Variants in UBE2V1 observed in about 807,000 individuals in gnomAD.
UBE2V1 encodes the protein ubiquitin conjugating enzyme E2 V1.
A neutral mutation model predicts 19.6 loss-of-function variants in UBE2V1; 15 were observed. That is an observed-to-expected ratio of 0.77 (90% CI 0.51 to 1.18). The LOEUF (loss-of-function observed/expected upper bound fraction) is 1.18. Ranked by LOEUF, UBE2V1 falls within the 50% of genes most tolerant of loss-of-function variation. UBE2V1 has a pLI of 0.00. For synonymous variants in UBE2V1, 60 were observed against 60.7 expected, an observed-to-expected ratio of 0.99 and a Z score of 0.05; for missense variants, 125 against 184.8, an observed-to-expected ratio of 0.68 and a Z score of 1.88.
At chr20:50,104,655 CAAAAAAAAAA>C (rs113771532) in intron 1 of UBE2V1, among the ~76,000 whole-genome samples, 1,610 of 71,702 alleles carry the variant, frequency 0.022, 51 homozygotes, top group African/African-American at 0.077. Flanking sequence ...GACTCTGGCA[CAAAAAAAAAA>C]AAAAAAAAAA....
chr20:50,098,066 T>C (rs73278504), intron 1 of UBE2V1, among the ~76,000 whole-genome samples: 2,052 of 152,256 alleles, frequency 0.013, 39 homozygotes, highest in African/African-American at 0.047. Flanking sequence ...CAGATCCTGG[T>C]GTTCCGGAGG....
At position 50,092,223 on chromosome 20, in the gene UBE2V1, G is replaced by C. The variant is rs557850863; in HGVS notation, c.171+4449C>G. 1.2e-4 allele frequency among the ~76,000 whole-genome samples: 18 copies of C among 152,302 alleles called. No homozygotes were observed. The East Asian group carries it at 2.5e-3, about 21-fold the overall frequency. On this transcript the variant is annotated intron_variant, in intron 2 of 3. Coordinates refer to ENST00000371674, the MANE Select transcript of UBE2V1 (RefSeq NM_001032288.3). ...TATAACCCCAGCGACTAGGGAGGCT[G>C]AGGCAGGAGAATCGCTTGAACCCGG...
chr20:50,088,410 GGGAAAA>G (rs1434585283), intron 2 of UBE2V1, among the ~76,000 whole-genome samples: 4 of 152,158 alleles, frequency 2.6e-5, no homozygotes, highest in Non-Finnish European at 5.9e-5. Context: ...GCTAGCAACA[GGGAAAA>G]GGTAGCACAG....
chr20:50,099,802 T>A (rs948869071), intron 1 of UBE2V1, among the ~76,000 whole-genome samples: 2 of 152,220 alleles, frequency 1.3e-5, no homozygotes, highest in African/African-American at 4.8e-5. Flanking sequence ...ATGATTTTAA[T>A]GTTACTAAAA....
chr20:50,104,929 G>A (rs2080262239), intron 1 of UBE2V1, among the ~76,000 whole-genome samples: 1 of 151,936 alleles, frequency 6.6e-6, no homozygotes, highest in South Asian at 2.1e-4. Context: ...GTTTCACCAT[G>A]TTGGCCAGGC....
intron 1 of UBE2V1, among the ~76,000 whole-genome samples, chr20:50,111,897 T>C (rs768578594): frequency 6.6e-6 from 1 of 152,178 alleles, no homozygotes; most frequent in Non-Finnish European, 1.5e-5. Flanking sequence ...GTGGCCCTGT[T>C]TGCTTCCTCC....
rs770359999 is a variant in UBE2V1 at position 50,084,298 on chromosome 20, G to C, written c.172-44C>G. The C allele has an allele frequency of 2.0e-5, 32 of 1,609,454 alleles. No homozygotes were observed. The Admixed American group carries it at 5.0e-4, about 25-fold the overall frequency. ...GAGATGTCACGCAATTACAAACAAAGCATTCAAAAAGGTAGAGCTTGTGAA... is the reference window on the plus strand; with the variant it reads ...GAGATGTCACGCAATTACAAACAAACCATTCAAAAAGGTAGAGCTTGTGAA... On this transcript the variant is annotated intron_variant, in intron 2 of 3. Coordinates refer to ENST00000371674, the MANE Select transcript of UBE2V1 (RefSeq NM_001032288.3).
chr20:50,090,566 G>A (rs944963612), intron 2 of UBE2V1, among the ~76,000 whole-genome samples: 4 of 151,594 alleles, frequency 2.6e-5, no homozygotes, highest in Non-Finnish European at 4.4e-5. Flanking sequence ...GACACAGAAA[G>A]ACAAAAAGTG....
chr20:50,089,681 C>G (rs1461261000), intron 2 of UBE2V1, among the ~76,000 whole-genome samples: 1 of 152,196 alleles, frequency 6.6e-6, no homozygotes, highest in African/African-American at 2.4e-5. Flanking sequence ...TACAGAGACT[C>G]TCCCTCTTCC....
upstream of UBE2V1, chr20:50,115,729 C>A: frequency 2.3e-6 from 2 of 874,196 alleles, no homozygotes; most frequent in South Asian, 4.6e-5. Flanking sequence ...TTAATCCTCA[C>A]AACTCGATGC....
In UBE2V1 at chr20:50,082,933, A is replaced by G. The variant is rs1172055053; in HGVS notation, c.298-19T>C. 2 of 1,600,180 alleles carry G rather than the reference A, an allele frequency of 1.2e-6. No individual in the cohort carries two copies. The highest frequency in any genetic ancestry group is 2.2e-5 in the South Asian group (2 of 90,554). On this transcript the variant is annotated intron_variant, in intron 3 of 3. Coordinates refer to ENST00000371674, the MANE Select transcript of UBE2V1 (RefSeq NM_001032288.3). ...GGTCCACCTACAACAAGGCAAACAA[A>G]AGCAAATTACTCTCAGACTCTCAAA...
chr20:50,093,052 T>A (rs1334085150), intron 2 of UBE2V1, among the ~76,000 whole-genome samples: 2 of 152,392 alleles, frequency 1.3e-5, no homozygotes, highest in Admixed American at 6.5e-5. Context: ...CACAATATCA[T>A]GGAGATCATT....
At chr20:50,094,121 T>G (rs1309603283) in intron 2 of UBE2V1, among the ~76,000 whole-genome samples, 2 of 121,350 alleles carry the variant, frequency 1.6e-5, no homozygotes, top group Non-Finnish European at 3.4e-5. Context: ...TAAAAATATA[T>G]TATATATTAT....
At chr20:50,092,829 T>C (rs944483631) in intron 2 of UBE2V1, among the ~76,000 whole-genome samples, 2 of 152,170 alleles carry the variant, frequency 1.3e-5, no homozygotes, top group Admixed American at 6.5e-5. Flanking sequence ...TACAGAAGGG[T>C]ATATGGTAAA....
At position 50,082,515 on chromosome 20, in the gene UBE2V1, C is replaced by A. The variant is rs915467088; in HGVS notation, c.*253G>T. 7 of 528,164 alleles carry A rather than the reference C, an allele frequency of 1.3e-5. No homozygotes were observed. The highest frequency in any genetic ancestry group is 4.0e-5 in the Admixed American group (1 of 25,312). 32.7% of individuals were successfully genotyped at this position (528,164 alleles called of 1,614,324 possible). A position where few individuals can be genotyped will look rare whatever the true frequency, so the allele number is the denominator to read the frequency against. ...TCAATTTAAATAGACTTTCTTGATCCCAGAAGTTCAACTACGTGGACAGTG... is the reference window on the plus strand; with the variant it reads ...TCAATTTAAATAGACTTTCTTGATCACAGAAGTTCAACTACGTGGACAGTG... On this transcript the variant is annotated 3_prime_UTR_variant, in exon 4 of 4. Coordinates refer to ENST00000371674, the MANE Select transcript of UBE2V1 (RefSeq NM_001032288.3).
At chr20:50,112,109 T>C (rs569482355) in intron 1 of UBE2V1, among the ~76,000 whole-genome samples, 1 of 152,308 alleles carries the variant, frequency 6.6e-6, no homozygotes, top group Non-Finnish European at 1.5e-5. Context: ...AGTGAGCGTC[T>C]CCACAGAAGA....
In UBE2V1 at chr20:50,090,840, C is replaced by A. The variant is rs984143284; in HGVS notation, c.171+5832G>T. On this transcript the variant is annotated intron_variant, in intron 2 of 3. Transcript: ENST00000371674. ...AGGTAGCTACACGTGGTGATGGATGCGTTGATTAATTTGGTTGTGGTAATC... is the reference window on the plus strand; with the variant it reads ...AGGTAGCTACACGTGGTGATGGATGAGTTGATTAATTTGGTTGTGGTAATC... 4.6e-5 allele frequency among the ~76,000 whole-genome samples: 7 copies of A among 152,108 alleles called. No individual in the cohort carries two copies. The South Asian group carries it at 1.0e-3, about 22-fold the overall frequency.
chr20:50,109,398 T>C (rs894644871), intron 1 of UBE2V1, among the ~76,000 whole-genome samples: 9 of 151,882 alleles, frequency 5.9e-5, no homozygotes, highest in Admixed American at 2.6e-4. Context: ...TGGTTTTCAG[T>C]TAACATGAAG....
In UBE2V1 at chr20:50,083,954, A is replaced by G. The variant is rs1239975405; in HGVS notation, c.297+175T>C. On this transcript the variant is annotated intron_variant, in intron 3 of 3. Transcript: ENST00000371674. The stretch of plus-strand genomic sequence containing the variant: ...GGTAAGTGCTATATGAGTGATCGCC[A>G]GATATAATTGGGAAACAGGCCCCAT... 4.0e-6 allele frequency: 4 copies of G among 987,846 alleles called. No individual in the cohort carries two copies. The African/African-American group carries it at 6.6e-5, about 16-fold the overall frequency. The allele number at this position is 987,846 out of a possible 1,614,324, so 61.2% of individuals were successfully genotyped here. A position where few individuals can be genotyped will look rare whatever the true frequency, so the allele number is the denominator to read the frequency against.
Sources: gnomAD v4.1 joint callset for allele counts (sites outside exome capture counted in the v4.1 genomes callset) on GRCh38, gnomAD v4.1.1 for gene constraint, MANE v1.5 for transcripts, NCBI Gene and HGNC (gene_info 2026-07-23, HGNC 2026-07-21) for gene names.